Variants in MYRF observed in about 807,000 individuals in gnomAD.
MYRF encodes myelin gene regulatory factor.
A neutral mutation model predicts 126.3 loss-of-function variants in MYRF; 16 were observed. That is an observed-to-expected ratio of 0.13 (90% CI 0.09 to 0.19). The LOEUF (loss-of-function observed/expected upper bound fraction) is 0.19, where lower values mean the gene tolerates loss of function less well. MYRF is among the 10% of genes least tolerant of loss of function. MYRF has a pLI of 1.00. For missense variants in MYRF, 1,104 were observed against 1,547.0 expected, an observed-to-expected ratio of 0.71 and a Z score of 4.80; for synonymous variants, 608 against 635.3, an observed-to-expected ratio of 0.96 and a Z score of 0.65.
intron 1 of MYRF, among the ~76,000 whole-genome samples, chr11:61,762,701 G>A (rs373439): frequency 2.6e-5 from 4 of 152,178 alleles, no homozygotes; most frequent in Admixed American, 1.3e-4. Context: ...CGGGCTGGGG[G>A]CCGAGCGGCG....
In MYRF at chr11:61,779,527, G is replaced by T; in HGVS notation, c.2204G>T (p.Gly735Val). ...GCAGGGAGCCAGTTCAGTCGGGCGG[G>T]CAGCGTCCCCCACAAGAAGAGGCCC... ...SHAGSQFSRAGSVPHKKRPPK... is the reference protein window; with the variant it reads ...SHAGSQFSRAVSVPHKKRPPK... Residue 735 changes from glycine (G) to valine (V), a missense_variant, in exon 16 of 27, where the codon GGC becomes GTC. Physicochemically the swap from Gly to Val is moderately radical, Grantham distance 109. Coordinates refer to ENST00000278836, the MANE Select transcript of MYRF (RefSeq NM_001127392.3). 6.6e-7 allele frequency: 1 copy of T among 1,511,340 alleles called. No homozygotes were observed. The allele number at this position is 1,511,340 out of a possible 1,614,324, so 93.6% of individuals were successfully genotyped here.
Position 61,779,355 on chromosome 11 carries a change from G to C in MYRF, c.2106G>C (p.Trp702Cys). 1 of 1,551,306 alleles carries C rather than the reference G, an allele frequency of 6.4e-7. No homozygotes were observed. The highest frequency in any genetic ancestry group is 2.0e-5 in the Admixed American group (1 of 51,002). The change falls in exon 15 of 27, where the codon TGG becomes TGC. Residue 702 changes from tryptophan to cysteine, a missense_variant. Trp to Cys is a radical substitution (Grantham distance 215). Around this residue, in one of 10 missense-constraint regions of MYRF, gnomAD observed 123 missense variants for 209.1 expected, o/e 0.59. Coordinates refer to ENST00000278836, the MANE Select transcript of MYRF (RefSeq NM_001127392.3). Reference protein sequence around the residue: ...LETRIDELERWSHKLAKLRRL... With the variant: ...LETRIDELERCSHKLAKLRRL... ...CGCGCATTGATGAGCTGGAGCGCTG[G>C]AGCCACAAGCTGGCCAAGCTGCGGC...
At chr11:61,762,814 C>A (rs1229638343) in intron 1 of MYRF, among the ~76,000 whole-genome samples, 1 of 152,204 alleles carries the variant, frequency 6.6e-6, no homozygotes, top group African/African-American at 2.4e-5. Context: ...TTCTTCCCCA[C>A]CCACTGGCCT....
intron 4 of MYRF, among the ~76,000 whole-genome samples, chr11:61,769,542 G>A (rs549005132): frequency 2.6e-5 from 4 of 152,276 alleles, no homozygotes; most frequent in South Asian, 2.1e-4. Context: ...GATGCCACCC[G>A]CCTGCCCGCC....
Position 61,779,990 on chromosome 11 carries a change from G to C in MYRF, c.2336+60G>C. ...TAGGGGAGTGGAGCTGCCCAGTGGAGTCAGCTGCCCATGGGCTCAGGCCTG... is the reference window on the plus strand; with the variant it reads ...TAGGGGAGTGGAGCTGCCCAGTGGACTCAGCTGCCCATGGGCTCAGGCCTG... On this transcript the variant is annotated intron_variant, in intron 17 of 26. Coordinates refer to ENST00000278836, the MANE Select transcript of MYRF (RefSeq NM_001127392.3). 3.4e-6 allele frequency: 5 copies of C among 1,480,234 alleles called. No homozygotes were observed. The South Asian group carries it at 3.5e-5, about 10-fold the overall frequency. 91.7% of individuals were successfully genotyped at this position (1,480,234 alleles called of 1,614,324 possible). A position where few individuals can be genotyped will look rare whatever the true frequency, so the allele number is the denominator to read the frequency against.
chr11:61,754,877 G>A (rs1280594575), intron 1 of MYRF, among the ~76,000 whole-genome samples: 1 of 152,258 alleles, frequency 6.6e-6, no homozygotes, highest in African/African-American at 2.4e-5. Flanking sequence ...CACTTGGGAG[G>A]GGAAGGCCCA....
rs760074083 is a variant in MYRF, at chr11:61,765,940, C to G, written c.135-18C>G. 1 of 1,484,300 alleles carries G rather than the reference C, an allele frequency of 6.7e-7. No homozygotes were observed. The highest frequency in any genetic ancestry group is 8.9e-7 in the Non-Finnish European group (1 of 1,119,310). 91.9% of individuals were successfully genotyped at this position (1,484,300 alleles called of 1,614,324 possible). ...GCTGGGGTCCTGGCTGGAGCTGAGCCGCCCCCCTTCCCCGCAGCTGCTTCC... is the reference window on the plus strand; with the variant it reads ...GCTGGGGTCCTGGCTGGAGCTGAGCGGCCCCCCTTCCCCGCAGCTGCTTCC... On this transcript the variant is annotated intron_variant, in intron 2 of 26. Coordinates refer to ENST00000278836, the MANE Select transcript of MYRF (RefSeq NM_001127392.3).
Position 61,780,930 on chromosome 11 carries a change from C to T in MYRF, c.2487-30C>T, listed in dbSNP as rs749280731. On this transcript the variant is annotated intron_variant, in intron 19 of 26. Coordinates refer to ENST00000278836, the MANE Select transcript of MYRF (RefSeq NM_001127392.3). ...CTCTCCCCTCAAGCTCTCCCAGCCCCTCTGAGCTCAGCCCATCCTTCCCCA... is the reference window on the plus strand; with the variant it reads ...CTCTCCCCTCAAGCTCTCCCAGCCCTTCTGAGCTCAGCCCATCCTTCCCCA... 8.1e-6 allele frequency: 13 copies of T among 1,607,950 alleles called. No individual in the cohort carries two copies. The East Asian group carries it at 1.3e-4, about 17-fold the overall frequency.
At position 61,766,125 on chromosome 11, in the gene MYRF, GCAA is replaced by G. The variant is rs754990122; in HGVS notation, c.313_315del (p.Asn105del). On this transcript the variant is annotated inframe_deletion, in exon 3 of 27. Transcript: ENST00000278836. ...CCGGGCTACGGCACCCCGCTGAACT[GCAA>G]CAACAACAACGGCATGGGCGCTGCC... is the stretch of plus-strand genomic sequence containing the variant. 29 of 1,609,930 alleles carry G rather than the reference GCAA, an allele frequency of 1.8e-5. No individual in the cohort carries two copies. Among genetic ancestry groups the G allele is most frequent in the East Asian group, 2.2e-5 (1 of 44,886 alleles).
At position 61,781,217 on chromosome 11, in the gene MYRF, C is replaced by T; in HGVS notation, c.2652C>T (p.Val884=). ...LDMCSSHPCP[V]ICCSSPTTNP... is the part of the protein sequence containing the mutation. ...TGTGTTCCAGCCACCCCTGCCCTGT[C>T]ATCTGCTGTTCCTCACCCACTACCA... The change falls in exon 21 of 27, where the codon GTC becomes GTT. Residue 884 remains valine, a synonymous_variant. Transcript: ENST00000278836. The T allele has an allele frequency of 6.2e-7, 1 of 1,614,178 alleles. No homozygotes were observed.
At position 61,769,419 on chromosome 11, in the gene MYRF, C is replaced by A. The variant is rs576331142; in HGVS notation, c.460+98C>A. The A allele has an allele frequency of 1.6e-5, 14 of 895,162 alleles. No homozygotes were observed. In the Admixed American group the frequency reaches 2.0e-4, roughly 13 times the overall value. The allele number at this position is 895,162 out of a possible 1,614,324, so 55.5% of individuals were successfully genotyped here. On this transcript the variant is annotated intron_variant, in intron 4 of 26. Coordinates refer to ENST00000278836, the MANE Select transcript of MYRF (RefSeq NM_001127392.3). ...AGGGGAGGAGGGAGGGGGCCAGCGG[C>A]TGCCCAACGGGCTGAGATTATCGCT...
intron 3 of MYRF, among the ~76,000 whole-genome samples, chr11:61,768,146 A>T (rs2135762429): frequency 6.6e-6 from 1 of 152,168 alleles, no homozygotes; most frequent in Admixed American, 6.5e-5. Context: ...AAGAAAAGAA[A>T]AAAAACAGAC....
rs35744830 is a variant in MYRF, at chr11:61,761,259, TG to T, written c.47-4355del. Among the ~76,000 whole-genome samples the T allele has an allele frequency of 3.1e-3, 245 of 78,126 alleles. 1 individual carries two copies. Among genetic ancestry groups the T allele is most frequent in the Middle Eastern group, 0.022 (3 of 136 alleles). 51.3% of individuals were successfully genotyped at this position (78,126 alleles called of 152,430 possible). On this transcript the variant is annotated intron_variant, in intron 1 of 26. Coordinates refer to ENST00000278836, the MANE Select transcript of MYRF (RefSeq NM_001127392.3). Reference sequence around the variant, plus strand: ...AGACTCAGCCAACGGCCACAGCTGGTGGGGGGGGGGGCACATAAGCACAAGG... The same window carrying T: ...AGACTCAGCCAACGGCCACAGCTGGTGGGGGGGGGGCACATAAGCACAAGG...
At position 61,778,752 on chromosome 11, in the gene MYRF, C is replaced by A; in HGVS notation, c.2013+263C>A. 1 of 622,990 alleles carries A rather than the reference C, an allele frequency of 1.6e-6. No individual in the cohort carries two copies. The highest frequency in any genetic ancestry group is 1.5e-5 in the South Asian group (1 of 66,062). 38.6% of individuals were successfully genotyped at this position (622,990 alleles called of 1,614,324 possible). A position where few individuals can be genotyped will look rare whatever the true frequency, so the allele number is the denominator to read the frequency against. ...GTGGAGGGCCATGGCCTTCCACCCCCGGTAAAATGAGGGCGGTAATAGAAC... is the reference window on the plus strand; with the variant it reads ...GTGGAGGGCCATGGCCTTCCACCCCAGGTAAAATGAGGGCGGTAATAGAAC... On this transcript the variant is annotated intron_variant, in intron 14 of 26. Coordinates refer to ENST00000278836, the MANE Select transcript of MYRF (RefSeq NM_001127392.3). The surrounding 1 kb of genome is among the most constrained non-coding windows in gnomAD (Gnocchi z 4.6).
chr11:61,776,319 C>T lies in MYRF; in HGVS notation c.1389-3C>T. On this transcript the variant is annotated splice_polypyrimidine_tract_variant and splice_region_variant and intron_variant, in intron 9 of 26. Transcript: ENST00000278836. The surrounding 1 kb of genome is among the most constrained non-coding windows in gnomAD (Gnocchi z 4.3). ...CCCTGAGCACCCTGCCTCTCCTCTGCAGGGTCAATCTGCCCCCTGAGCAGG... is the reference window on the plus strand; with the variant it reads ...CCCTGAGCACCCTGCCTCTCCTCTGTAGGGTCAATCTGCCCCCTGAGCAGG... 6.2e-7 allele frequency: 1 copy of T among 1,610,736 alleles called. No homozygotes were observed. Among genetic ancestry groups the T allele is most frequent in the Non-Finnish European group, 8.5e-7 (1 of 1,178,436 alleles).
Position 61,757,679 on chromosome 11 carries a change from C to A in MYRF, c.46+4889C>A. 1 of 399,384 alleles carries A rather than the reference C, an allele frequency of 2.5e-6. No homozygotes were observed. Among genetic ancestry groups the A allele is most frequent in the South Asian group, 1.8e-5 (1 of 56,468 alleles). 24.7% of individuals were successfully genotyped at this position (399,384 alleles called of 1,614,324 possible). On this transcript the variant is annotated intron_variant, in intron 1 of 26. Coordinates refer to ENST00000278836, the MANE Select transcript of MYRF (RefSeq NM_001127392.3). This position sits in a 1 kb window ranked among gnomAD's most constrained non-coding sequence, Gnocchi z 4.7. ...CTCTGAGATTTGGGTTCTGTTCTTGCTGCCAGCAAGGAGGAGGGGCTTGGC... is the reference window on the plus strand; with the variant it reads ...CTCTGAGATTTGGGTTCTGTTCTTGATGCCAGCAAGGAGGAGGGGCTTGGC...
intron 14 of MYRF, chr11:61,779,036 A>T: frequency 1.5e-6 from 1 of 657,638 alleles, no homozygotes; most frequent in Non-Finnish European, 2.8e-6. Context: ...GGGACAGCCC[A>T]GGTGAAGGTG....
chr11:61,772,110 C>T (rs1319505695), intron 7 of MYRF, among the ~76,000 whole-genome samples, 158 bp downstream of exon 7: 1 of 152,102 alleles, frequency 6.6e-6, no homozygotes, highest in Non-Finnish European at 1.5e-5. Flanking sequence ...AGTCAGGGCT[C>T]CTGACTCCTA....
intron 7 of MYRF, among the ~76,000 whole-genome samples, chr11:61,773,320 C>A (rs994517676): frequency 1.1e-4 from 17 of 152,200 alleles, no homozygotes; most frequent in African/African-American, 3.4e-4. Context: ...CTAGAGGTGT[C>A]TCAAAGGGGC....
Sources: allele counts gnomAD v4.1 joint callset (sites outside exome capture counted in the v4.1 genomes callset), GRCh38; gene constraint gnomAD v4.1.1; regional missense constraint gnomAD v4.1.1; non-coding constraint Gnocchi (gnomAD v3.1); transcripts MANE v1.5; gene names NCBI Gene and HGNC (gene_info 2026-07-23, HGNC 2026-07-21).